Variants in CNGB3 observed in about 807,000 individuals in gnomAD.
The protein encoded by CNGB3 is cyclic nucleotide-gated channel beta-3.
In CNGB3, 86 loss-of-function variants were observed where a neutral mutation model predicts 92.8. The ratio of observed to expected loss-of-function variants is 0.93; its 90% confidence interval spans 0.78 to 1.11. CNGB3 has a LOEUF of 1.11. CNGB3 is among the 50% of genes least tolerant of loss of function. CNGB3 has a pLI of 0.00. For missense variants in CNGB3, 1,026 were observed against 956.8 expected (o/e 1.07, Z -0.95); for synonymous variants, 333 against 332.7 (o/e 1.00, Z -0.01).
chr8:86,630,295 A>T (rs1822937723), intron 11 of CNGB3, among the ~76,000 whole-genome samples: 1 of 152,138 alleles, frequency 6.6e-6, no homozygotes, highest in South Asian at 2.1e-4. Context: ...TTGGTATGTT[A>T]GGAGAGGGCT....
At chr8:86,578,073 C>G (rs1214254700) in intron 17 of CNGB3, among the ~76,000 whole-genome samples, 1 of 152,046 alleles carries the variant, frequency 6.6e-6, no homozygotes, top group Non-Finnish European at 1.5e-5. Context: ...CCATGCCCGG[C>G]TAATTTTTTG....
Position 86,621,689 on chromosome 8 carries a change from C to T in CNGB3, c.1578+4294G>A, listed in dbSNP as rs541074395. ...AGTCCATTATATTATTCTTATGCCC[C>T]TGCATCCTCATAGCTTAGCTCCCAC... On this transcript the variant is annotated intron_variant, in intron 13 of 17. Coordinates refer to ENST00000320005, the MANE Select transcript of CNGB3 (RefSeq NM_019098.5). Among the ~76,000 whole-genome samples the T allele has an allele frequency of 3.9e-5, 6 of 152,222 alleles. No individual in the cohort carries two copies. In the East Asian group the frequency reaches 1.2e-3, roughly 29 times the overall value.
At chr8:86,625,404 A>C (rs943064138) in intron 13 of CNGB3, among the ~76,000 whole-genome samples, 7 of 152,204 alleles carry the variant, frequency 4.6e-5, no homozygotes, top group Non-Finnish European at 1.0e-4. Flanking sequence ...CCCAGAAGGA[A>C]ATATTAGGTG....
At chr8:86,715,595 A>G (rs949387175) in intron 3 of CNGB3, among the ~76,000 whole-genome samples, 1 of 152,054 alleles carries the variant, frequency 6.6e-6, no homozygotes, top group Non-Finnish European at 1.5e-5. Context: ...CGCAAATGAG[A>G]TGGAACCAGA....
In CNGB3 at chr8:86,668,069, G is replaced by A. The variant is rs1823778751; in HGVS notation, c.593C>T (p.Thr198Ile). Residue 198 changes from threonine to isoleucine, a missense_variant, in exon 5 of 18, where the codon ACA (threonine) becomes ATA (isoleucine). By Grantham distance (89) the Thr-to-Ile change is moderately conservative. Transcript: ENST00000320005. ...AAGTTTAATTCGCTTTAAGTACTCT[G>A]TTAAAGGCATCTTTTTGACTTTGAA... ...LWFKVKKMPLTEYLKRIKLPN... is the reference protein window; with the variant it reads ...LWFKVKKMPLIEYLKRIKLPN... 2 of 1,613,488 alleles carry A rather than the reference G, an allele frequency of 1.2e-6. No individual in the cohort carries two copies. The highest frequency in any genetic ancestry group is 1.3e-5 in the African/African-American group (1 of 74,744).
chr8:86,676,747 T>A (rs888279012), intron 3 of CNGB3, among the ~76,000 whole-genome samples: 4 of 152,156 alleles, frequency 2.6e-5, no homozygotes, highest in Admixed American at 2.0e-4. Flanking sequence ...CGAGTCTTTA[T>A]AGATTTAACT....
chr8:86,726,563 C>T lies in CNGB3; in HGVS notation c.306G>A (p.Lys102=). The T allele has an allele frequency of 6.2e-7, 1 of 1,613,814 alleles. No individual in the cohort carries two copies. The highest frequency in any genetic ancestry group is 8.5e-7 in the Non-Finnish European group (1 of 1,179,792). ...GACCTTCTTTCCCGGGGTCCATTTC[C>T]TTCTGCTCTGGCACTGTTCCAGTTG... is the stretch of plus-strand genomic sequence containing the variant. The part of the protein sequence containing the change: ...AEPTGTVPEQ[K]EMDPGKEGPN... The change falls in exon 3 of 18, where the codon AAG becomes AAA. Residue 102 remains lysine, a synonymous_variant. Coordinates refer to ENST00000320005, the MANE Select transcript of CNGB3 (RefSeq NM_019098.5).
intron 6 of CNGB3, among the ~76,000 whole-genome samples, chr8:86,662,333 C>A (rs1341902644): frequency 6.6e-6 from 1 of 152,200 alleles, no homozygotes; most frequent in Non-Finnish European, 1.5e-5. Context: ...TCAAACATTT[C>A]TTGAGTATAC....
rs1220939227 is a variant in CNGB3, at chr8:86,658,939, G to C, written c.853-4877C>G. The C allele has an allele frequency of 4.8e-6, 5 of 1,046,816 alleles. No individual in the cohort carries two copies. In the Admixed American group the frequency reaches 8.7e-5, roughly 18 times the overall value. The allele number at this position is 1,046,816 out of a possible 1,614,324, so 64.8% of individuals were successfully genotyped here. On this transcript the variant is annotated intron_variant, in intron 6 of 17. Transcript: ENST00000320005. ...TCCAGCAGCCTCTCCTCCTGCTCTC[G>C]GTTCAGGAGACTCAAGCCCTCATTG... is the stretch of plus-strand genomic sequence containing the variant.
intron 3 of CNGB3, among the ~76,000 whole-genome samples, chr8:86,681,404 A>G (rs1824081268): frequency 6.6e-6 from 1 of 152,218 alleles, no homozygotes; most frequent in Non-Finnish European, 1.5e-5. Flanking sequence ...GCACAGGACA[A>G]CAGGTGTAAA....
At chr8:86,683,887 A>G (rs994174254) in intron 3 of CNGB3, among the ~76,000 whole-genome samples, 3 of 152,216 alleles carry the variant, frequency 2.0e-5, no homozygotes, top group African/African-American at 7.2e-5. Context: ...TATATGTTTT[A>G]GAAAACAATA....
chr8:86,692,846 T>C (rs1410874581), intron 3 of CNGB3, among the ~76,000 whole-genome samples: 1 of 152,152 alleles, frequency 6.6e-6, no homozygotes, highest in African/African-American at 2.4e-5. Context: ...GCTTTAAGGA[T>C]GTTCCATTTT....
chr8:86,737,706 A>G (rs1356866747), intron 2 of CNGB3, among the ~76,000 whole-genome samples: 2 of 152,148 alleles, frequency 1.3e-5, no homozygotes, highest in Non-Finnish European at 2.9e-5. Context: ...GCATACCTAT[A>G]GGTAGTTTTT....
intron 3 of CNGB3, among the ~76,000 whole-genome samples, chr8:86,715,715 G>A (rs1824839555): frequency 6.6e-6 from 1 of 150,910 alleles, no homozygotes; most frequent in African/African-American, 2.4e-5. Flanking sequence ...GACACCAGAG[G>A]AAGGTGAAAT....
At chr8:86,682,523 T>G (rs1824100615) in intron 3 of CNGB3, among the ~76,000 whole-genome samples, 1 of 152,126 alleles carries the variant, frequency 6.6e-6, no homozygotes, top group South Asian at 2.1e-4. Context: ...GTTTCTGAGG[T>G]TGATTTGTCA....
chr8:86,632,377 G>T (rs1051214307), intron 11 of CNGB3, among the ~76,000 whole-genome samples: 1 of 152,000 alleles, frequency 6.6e-6, no homozygotes, highest in East Asian at 1.9e-4. Flanking sequence ...GCATTTTGTA[G>T]CCTCTGGTTT....
intron 6 of CNGB3, chr8:86,659,553 G>A (rs961872320): frequency 6.9e-6 from 4 of 579,032 alleles, no homozygotes; most frequent in South Asian, 1.7e-5. Context: ...TTAACTCTTT[G>A]TTGTATTTGT....
At chr8:86,709,422 A>G (rs937990040) in intron 3 of CNGB3, among the ~76,000 whole-genome samples, 2 of 152,198 alleles carry the variant, frequency 1.3e-5, no homozygotes, top group African/African-American at 2.4e-5. Flanking sequence ...GCTGAGCTCA[A>G]ACAGCCCTGT....
chr8:86,581,735 A>AC (rs138114419), intron 15 of CNGB3, among the ~76,000 whole-genome samples: 16,423 of 151,494 alleles, frequency 0.11, 932 homozygotes, highest in Non-Finnish European at 0.12. Flanking sequence ...TCCATACCTT[A>AC]CCCCCCCACC....
Sources: gnomAD v4.1 joint callset for allele counts (sites outside exome capture counted in the v4.1 genomes callset) on GRCh38, gnomAD v4.1.1 for gene constraint, MANE v1.5 for transcripts, NCBI Gene and HGNC (gene_info 2026-07-23, HGNC 2026-07-21) for gene names.